RCOR1: variants seen among roughly 807,000 people sequenced by gnomAD.
RCOR1 encodes REST corepressor.
RCOR1 carries 12 observed loss-of-function variants against 64.0 expected under a neutral mutation model. That is an observed-to-expected ratio of 0.19 (90% confidence interval 0.12 to 0.30). The LOEUF (loss-of-function observed/expected upper bound fraction) is 0.30. Ranked by LOEUF, RCOR1 falls within the 10% of genes least tolerant of loss-of-function variation. RCOR1 has a pLI of 1.00. For missense variants in RCOR1, 502 were observed against 621.2 expected, an observed-to-expected ratio of 0.81 and a Z score of 2.04; for synonymous variants, 279 against 227.2, an observed-to-expected ratio of 1.23 and a Z score of -2.05.
intron 4 of RCOR1, among the ~76,000 whole-genome samples, chr14:102,706,231 T>G (rs1418895460): frequency 6.6e-6 from 1 of 151,700 alleles, no homozygotes; most frequent in Non-Finnish European, 1.5e-5. Context: ...AAGTCCCTCC[T>G]TATCAGTGAT....
chr14:102,627,379 G>A (rs995191005), intron 2 of RCOR1, among the ~76,000 whole-genome samples: 2 of 152,018 alleles, frequency 1.3e-5, no homozygotes, highest in Admixed American at 1.3e-4. Context: ...CTTTTTTGCC[G>A]GGTGTGGTGG....
intron 7 of RCOR1, among the ~76,000 whole-genome samples, chr14:102,713,121 T>A (rs1326744869): frequency 1.3e-5 from 2 of 150,556 alleles, no homozygotes; most frequent in Non-Finnish European, 3.0e-5. Flanking sequence ...GCCTGGCTAA[T>A]TTTTGTATTT....
intron 3 of RCOR1, among the ~76,000 whole-genome samples, chr14:102,697,283 G>C (rs1895669576): frequency 6.6e-6 from 1 of 152,230 alleles, no homozygotes; most frequent in Non-Finnish European, 1.5e-5. Context: ...CGTTGCTAAA[G>C]ATAACATAGT....
rs115530461 is a variant in RCOR1, at chr14:102,618,580, C to T, written c.361+25255C>T. On this transcript the variant is annotated intron_variant, in intron 2 of 11. Transcript: ENST00000262241. ...CCGTCATCATGCCCATGCCAATGTA[C>T]TCCAGCCTGGGCAAGAAAGTCGACC... 3.0e-3 allele frequency among the ~76,000 whole-genome samples: 450 copies of T among 152,304 alleles called. 3 individuals carry two copies. The highest frequency in any genetic ancestry group is 0.01 in the African/African-American group (423 of 41,562).
chr14:102,681,556 C>A (rs1056143059), intron 2 of RCOR1, among the ~76,000 whole-genome samples: 1 of 152,192 alleles, frequency 6.6e-6, no homozygotes, highest in Non-Finnish European at 1.5e-5. Context: ...GTAACTCAGG[C>A]AGAGAAGGGT....
intron 2 of RCOR1, among the ~76,000 whole-genome samples, chr14:102,618,636 C>T (rs190680499): frequency 3.1e-4 from 47 of 152,294 alleles, no homozygotes; most frequent in Middle Eastern, 3.4e-3. Flanking sequence ...ACAAATTTCT[C>T]TGGCTGAAGT....
intron 2 of RCOR1, among the ~76,000 whole-genome samples, chr14:102,614,039 G>C (rs939418220): frequency 1.3e-5 from 2 of 151,760 alleles, no homozygotes; most frequent in Non-Finnish European, 2.9e-5. Flanking sequence ...GGGATTACAG[G>C]CATGTGCCAC....
chr14:102,688,420 C>T (rs372434722), intron 3 of RCOR1, among the ~76,000 whole-genome samples: 5 of 152,142 alleles, frequency 3.3e-5, no homozygotes, highest in Admixed American at 6.5e-5. Context: ...GATCTCTTGA[C>T]GGAGTTTTAG....
chr14:102,644,548 C>T (rs1425928791), intron 2 of RCOR1, among the ~76,000 whole-genome samples: 3 of 152,144 alleles, frequency 2.0e-5, no homozygotes, highest in African/African-American at 4.8e-5. Flanking sequence ...CCCATCACAT[C>T]GCTCCCCCTT....
At chr14:102,688,111 C>G (rs576309860) in intron 3 of RCOR1, among the ~76,000 whole-genome samples, 1 of 152,060 alleles carries the variant, frequency 6.6e-6, no homozygotes, top group Non-Finnish European at 1.5e-5. Context: ...GGATTACATG[C>G]GTGTGCCACC....
chr14:102,613,533 C>T (rs969845319), intron 2 of RCOR1, among the ~76,000 whole-genome samples: 4 of 145,584 alleles, frequency 2.7e-5, no homozygotes, highest in South Asian at 2.2e-4. Flanking sequence ...TCCGGGTTCA[C>T]GCCATTCTCC....
intron 2 of RCOR1, chr14:102,630,040 A>G (rs942887043): frequency 1.1e-5 from 11 of 956,674 alleles, no homozygotes; most frequent in Middle Eastern, 1.1e-3. Flanking sequence ...AACCACTGCT[A>G]TAGTTTGGAT....
chr14:102,723,098 G>A (rs1357827728), intron 11 of RCOR1, among the ~76,000 whole-genome samples: 2 of 152,204 alleles, frequency 1.3e-5, no homozygotes, highest in South Asian at 4.1e-4. Flanking sequence ...CAGAGCAGAT[G>A]AGCCTGGGGC....
intron 2 of RCOR1, among the ~76,000 whole-genome samples, chr14:102,653,998 T>TGTTTCTTTCTTTCTTTG (rs1595214214): frequency 7.9e-6 from 1 of 126,598 alleles, no homozygotes; most frequent in African/African-American, 3.3e-5. Context: ...TTTTTTTTTT[T>TGTTTCTTTCTTTCTTTG]TTTTTGAGAC....
At chr14:102,616,975 A>G (rs1893773845) in intron 2 of RCOR1, among the ~76,000 whole-genome samples, 1 of 152,224 alleles carries the variant, frequency 6.6e-6, no homozygotes, top group Non-Finnish European at 1.5e-5. Context: ...TGGCATACAA[A>G]AAGACACATT....
At chr14:102,619,090 T>TA (rs1376336968) in intron 2 of RCOR1, among the ~76,000 whole-genome samples, 3 of 148,602 alleles carry the variant, frequency 2.0e-5, no homozygotes, top group African/African-American at 7.7e-5. Context: ...CTGGCTTGTG[T>TA]ATCTAGCTAA....
intron 2 of RCOR1, among the ~76,000 whole-genome samples, chr14:102,651,678 T>C (rs1447648592): frequency 6.6e-6 from 1 of 152,212 alleles, no homozygotes; most frequent in Non-Finnish European, 1.5e-5. Context: ...TGAATTGATA[T>C]GAATAAGCAC....
intron 2 of RCOR1, among the ~76,000 whole-genome samples, chr14:102,628,414 G>A (rs1162402967): frequency 3.9e-5 from 6 of 151,980 alleles, no homozygotes; most frequent in Admixed American, 3.9e-4. Flanking sequence ...GTCCCTATAA[G>A]AGCTAGTCCC....
intron 2 of RCOR1, chr14:102,655,140 T>TAA: frequency 1.3e-5 from 2 of 159,562 alleles, no homozygotes; most frequent in Non-Finnish European, 2.2e-5. Flanking sequence ...TTTTTTAAGC[T>TAA]AAATTTTGTT....
Sources: gnomAD v4.1 joint callset for allele counts (sites outside exome capture counted in the v4.1 genomes callset) on GRCh38, gnomAD v4.1.1 for gene constraint, MANE v1.5 for transcripts, NCBI Gene and HGNC (gene_info 2026-07-23, HGNC 2026-07-21) for gene names.